The following TMEM132B variants were observed in gnomAD, a reference collection of about 807,000 sequenced individuals.
TMEM132B encodes transmembrane protein 132B.
TMEM132B carries 18 observed loss-of-function variants against 90.8 expected under a neutral mutation model. The observed-to-expected ratio is 0.20, with a 90% CI of 0.14 to 0.29. The LOEUF is 0.29. TMEM132B is among the 10% of genes least tolerant of loss of function. The pLI is 1.00. For synonymous variants in TMEM132B, 504 were observed against 523.3 expected (o/e 0.96, Z 0.50); for missense variants, 1,096 against 1,326.8 (o/e 0.83, Z 2.70).
At chr12:125,417,935 G>A (rs1308839549) in intron 3 of TMEM132B, among the ~76,000 whole-genome samples, 1 of 152,224 alleles carries the variant, frequency 6.6e-6, no homozygotes, top group East Asian at 1.9e-4. Flanking sequence ...TAATGGAAGA[G>A]CTTGGGCAGA....
intron 1 of TMEM132B, among the ~76,000 whole-genome samples, chr12:125,332,415 A>G (rs1566004418): frequency 6.6e-6 from 1 of 151,786 alleles, no homozygotes; most frequent in Non-Finnish European, 1.5e-5. Flanking sequence ...ACTTTCTTTT[A>G]TTCTTCATCA....
chr12:125,494,118 C>A (rs1882443245), intron 3 of TMEM132B, among the ~76,000 whole-genome samples: 2 of 144,220 alleles, frequency 1.4e-5, no homozygotes, highest in Admixed American at 1.4e-4. Flanking sequence ...CCCTCCTCCC[C>A]CTCCTCCCTG....
At chr12:125,590,285 C>T (rs1885287327) in intron 5 of TMEM132B, among the ~76,000 whole-genome samples, 1 of 152,138 alleles carries the variant, frequency 6.6e-6, no homozygotes, top group Admixed American at 6.5e-5. Flanking sequence ...ATGTTAACTG[C>T]TACTTGATTG....
chr12:125,436,216 AT>A (rs1160447183), intron 3 of TMEM132B, among the ~76,000 whole-genome samples: 1 of 152,138 alleles, frequency 6.6e-6, no homozygotes, highest in Non-Finnish European at 1.5e-5. Context: ...TATGAAGCTC[AT>A]TGTTAAAATT....
At chr12:125,321,159 C>G (rs180771495) in intron 1 of TMEM132B, among the ~76,000 whole-genome samples, 1 of 152,214 alleles carries the variant, frequency 6.6e-6, no homozygotes, top group African/African-American at 2.4e-5. Context: ...CAATGTAGAC[C>G]AAAGAAGTGG....
At chr12:125,447,576 T>C (rs10846891) in intron 3 of TMEM132B, among the ~76,000 whole-genome samples, 5,195 of 152,308 alleles carry the variant, frequency 0.034, 166 homozygotes, top group Admixed American at 0.1. Flanking sequence ...CACTCACATA[T>C]ATTACACATG....
chr12:125,252,490 G>A (rs528389044), intron 1 of TMEM132B, among the ~76,000 whole-genome samples: 35 of 152,232 alleles, frequency 2.3e-4, no homozygotes, highest in African/African-American at 3.6e-4. Flanking sequence ...GGTGTCGTGC[G>A]CTGGTCCAAT....
intron 5 of TMEM132B, chr12:125,622,445 A>G (rs1886132152): frequency 1.3e-5 from 13 of 985,210 alleles, no homozygotes; most frequent in Non-Finnish European, 1.6e-5. Context: ...ACAGAAGTAG[A>G]ACTTTCATAG....
rs1054013399 is a variant in TMEM132B, at chr12:125,470,875, C to T, written c.1107-48564C>T. On this transcript the variant is annotated intron_variant, in intron 3 of 8. Coordinates refer to ENST00000682704, the MANE Select transcript of TMEM132B (RefSeq NM_001366854.1). ...TTTCCCTCCTTCAGCAATCCTGTCT[C>T]CCCTGCACTGCCACAAGCGCTCATC... is the stretch of plus-strand genomic sequence containing the variant. Among the ~76,000 whole-genome samples, 5 of 152,206 alleles carry T rather than the reference C, an allele frequency of 3.3e-5. No homozygotes were observed. In the East Asian group the frequency reaches 7.7e-4, roughly 23 times the overall value.
chr12:125,625,426 C>G (rs959892782), intron 5 of TMEM132B, among the ~76,000 whole-genome samples: 3 of 152,160 alleles, frequency 2.0e-5, no homozygotes, highest in African/African-American at 7.2e-5. Context: ...AGCCACCGCG[C>G]CCGGTCAGAT....
At chr12:125,519,364 G>T in intron 3 of TMEM132B, 75 bp from the exon 4 acceptor site, 2 of 1,413,956 alleles carry the variant, frequency 1.4e-6, no homozygotes, top group South Asian at 2.7e-5. Context: ...TAAGAATGTG[G>T]CAATTTATTA....
intron 1 of TMEM132B, among the ~76,000 whole-genome samples, chr12:125,220,982 A>G (rs899354177): frequency 6.6e-6 from 1 of 152,178 alleles, no homozygotes; most frequent in East Asian, 1.9e-4. Flanking sequence ...TTCTGTTTGG[A>G]ACACTCTTGC....
intron 1 of TMEM132B, among the ~76,000 whole-genome samples, chr12:125,198,498 C>G (rs1049740222): frequency 6.6e-6 from 1 of 152,236 alleles, no homozygotes; most frequent in Non-Finnish European, 1.5e-5. Flanking sequence ...TAGAATGTTT[C>G]TTTCCTAGTC....
At chr12:125,609,863 A>T (rs1191036085) in intron 5 of TMEM132B, among the ~76,000 whole-genome samples, 1 of 144,474 alleles carries the variant, frequency 6.9e-6, no homozygotes, top group African/African-American at 2.5e-5. Context: ...GGATCTTTTG[A>T]ACTTTGATTC....
At chr12:125,422,921 G>C (rs1191477733) in intron 3 of TMEM132B, among the ~76,000 whole-genome samples, 1 of 152,186 alleles carries the variant, frequency 6.6e-6, no homozygotes, top group African/African-American at 2.4e-5. Context: ...AGTCTGAGAG[G>C]ATTTATAACA....
intron 5 of TMEM132B, among the ~76,000 whole-genome samples, chr12:125,612,246 CA>C (rs1331494916): frequency 6.6e-6 from 1 of 152,026 alleles, no homozygotes; most frequent in Non-Finnish European, 1.5e-5. Flanking sequence ...GAGGCCAAGG[CA>C]GGTGGATTGC....
At position 125,634,902 on chromosome 12, in the gene TMEM132B, C is replaced by T. The variant is rs547815856; in HGVS notation, c.1438-9174C>T. On this transcript the variant is annotated intron_variant, in intron 5 of 8. Transcript: ENST00000682704. The stretch of plus-strand genomic sequence containing the variant: ...AGCCTGGGGTTGGGGAAGGGTGATG[C>T]CAGCACTCCTTTAGCTGCCCCAGCT... Among the ~76,000 whole-genome samples, 9 of 152,222 alleles carry T rather than the reference C, an allele frequency of 5.9e-5. No individual in the cohort carries two copies. In the South Asian group the frequency reaches 1.9e-3, roughly 32 times the overall value.
At chr12:125,500,811 A>G (rs886522681) in intron 3 of TMEM132B, among the ~76,000 whole-genome samples, 4 of 152,120 alleles carry the variant, frequency 2.6e-5, no homozygotes, top group African/African-American at 7.2e-5. Flanking sequence ...TTTTTGTTCT[A>G]TGGGGTCAAG....
intron 3 of TMEM132B, among the ~76,000 whole-genome samples, chr12:125,478,298 C>T (rs1593166160): frequency 6.6e-6 from 1 of 152,096 alleles, no homozygotes; most frequent in African/African-American, 2.4e-5. Flanking sequence ...TTCAGAAAGT[C>T]GGTAATAACA....
Sources: allele counts gnomAD v4.1 joint callset (sites outside exome capture counted in the v4.1 genomes callset), GRCh38; gene constraint gnomAD v4.1.1; transcripts MANE v1.5; gene names NCBI Gene and HGNC (gene_info 2026-07-23, HGNC 2026-07-21).